PHACTR1: variants seen among roughly 807,000 people sequenced by gnomAD.
PHACTR1 encodes the protein phosphatase and actin regulator 1, also known as RPEL repeat containing 1.
In PHACTR1, 16 loss-of-function variants were observed where a neutral mutation model predicts 69.2. That is an observed-to-expected ratio of 0.23 (90% CI 0.16 to 0.35). The LOEUF (loss-of-function observed/expected upper bound fraction) is 0.35, where lower values mean the gene tolerates loss of function less well. PHACTR1 is among the 10% of genes least tolerant of loss of function. PHACTR1 has a pLI of 1.00. For missense variants in PHACTR1, 510 were observed against 734.7 expected (o/e 0.69, Z 3.54); for synonymous variants, 312 against 284.5 (o/e 1.10, Z -0.97).
intron 4 of PHACTR1, among the ~76,000 whole-genome samples, chr6:12,968,644 T>TG (rs1793782106): frequency 1.3e-5 from 2 of 152,362 alleles, no homozygotes; most frequent in South Asian, 4.1e-4. Context: ...GAGCTTTTTT[T>TG]GTCACTAAAA....
At chr6:12,927,445 CTT>C (rs1271814988) in intron 4 of PHACTR1, among the ~76,000 whole-genome samples, 1 of 152,128 alleles carries the variant, frequency 6.6e-6, no homozygotes, top group Admixed American at 6.5e-5. Flanking sequence ...AAAAAAATCT[CTT>C]ATATTGTAGG....
chr6:13,277,813 G>GGT (rs1779241257), intron 11 of PHACTR1, among the ~76,000 whole-genome samples: 1 of 152,076 alleles, frequency 6.6e-6, no homozygotes, highest in African/African-American at 2.4e-5. Flanking sequence ...AGTCAGGTGT[G>GGT]GTGGCGTGCA....
chr6:13,169,670 A>T (rs1309626544), intron 6 of PHACTR1, among the ~76,000 whole-genome samples: 2 of 152,228 alleles, frequency 1.3e-5, no homozygotes, highest in Admixed American at 6.5e-5. Flanking sequence ...ATGCAGACAC[A>T]TCAAATAAGA....
intron 4 of PHACTR1, among the ~76,000 whole-genome samples, chr6:12,978,064 CT>C (rs879319696): frequency 1.3e-5 from 2 of 152,234 alleles, no homozygotes; most frequent in Non-Finnish European, 2.9e-5. Context: ...CAAGGCAAAT[CT>C]GCCTGTATGT....
chr6:12,859,828 A>G (rs1220514107), intron 4 of PHACTR1, among the ~76,000 whole-genome samples: 2 of 152,298 alleles, frequency 1.3e-5, no homozygotes, highest in Non-Finnish European at 2.9e-5. Context: ...TGAGGACAAT[A>G]GATGTTAATT....
intron 4 of PHACTR1, among the ~76,000 whole-genome samples, chr6:12,879,654 A>G (rs1460158699): frequency 6.6e-6 from 1 of 152,228 alleles, no homozygotes; most frequent in Non-Finnish European, 1.5e-5. Context: ...CATATTGAGT[A>G]TTAAGTATTT....
intron 10 of PHACTR1, 25 bp from the exon 11 acceptor site, chr6:13,272,835 A>T: frequency 6.2e-7 from 1 of 1,614,038 alleles, no homozygotes; most frequent in South Asian, 1.1e-5. Flanking sequence ...ATGGTCCAAA[A>T]ACTTTTCCTG....
At chr6:13,027,173 C>A (rs1385540716) in intron 4 of PHACTR1, among the ~76,000 whole-genome samples, 1 of 152,114 alleles carries the variant, frequency 6.6e-6, no homozygotes, top group Non-Finnish European at 1.5e-5. Context: ...CGAGTACCTG[C>A]TCCTTTGGTC....
chr6:13,064,600 A>C (rs1217202910), intron 5 of PHACTR1, among the ~76,000 whole-genome samples: 12 of 7,516 alleles, frequency 1.6e-3, no homozygotes, highest in African/African-American at 2.4e-3. Flanking sequence ...ATATATATAT[A>C]TATATCTATA....
At chr6:12,803,712 G>A (rs1396879305) in intron 4 of PHACTR1, among the ~76,000 whole-genome samples, 14 of 152,260 alleles carry the variant, frequency 9.2e-5, no homozygotes, top group Admixed American at 5.9e-4. Context: ...CATTTTGGGC[G>A]GGATAATTAT....
chr6:12,756,041 C>T (rs77605518), intron 4 of PHACTR1, among the ~76,000 whole-genome samples: 121 of 152,204 alleles, frequency 7.9e-4, no homozygotes, highest in African/African-American at 2.5e-3. Flanking sequence ...ATAATAAATG[C>T]GGCAGAGGCA....
intron 8 of PHACTR1, among the ~76,000 whole-genome samples, chr6:13,219,602 C>T (rs145110590): frequency 2.0e-5 from 3 of 152,262 alleles, no homozygotes; most frequent in Non-Finnish European, 4.4e-5. Context: ...CTATTCTCTC[C>T]GCACACCTAC....
At chr6:13,243,382 C>A (rs1240193640) in intron 10 of PHACTR1, among the ~76,000 whole-genome samples, 2 of 151,988 alleles carry the variant, frequency 1.3e-5, no homozygotes, top group Admixed American at 1.3e-4. Context: ...CACTTGTGAA[C>A]TTACCAGGAG....
intron 7 of PHACTR1, among the ~76,000 whole-genome samples, 195 bp downstream of exon 7, chr6:13,182,881 T>C (rs1762372396): frequency 6.6e-6 from 1 of 152,206 alleles, no homozygotes; most frequent in South Asian, 2.1e-4. Context: ...ACACTTATTA[T>C]CCTACAGTGT....
chr6:13,217,256 C>A (rs577741423), intron 8 of PHACTR1, among the ~76,000 whole-genome samples: 1 of 152,180 alleles, frequency 6.6e-6, no homozygotes, highest in South Asian at 2.1e-4. Context: ...GGGAGGTGGG[C>A]ACCTAGGTTT....
chr6:12,719,519 T>C (rs1044955348), intron 3 of PHACTR1, among the ~76,000 whole-genome samples: 1 of 152,140 alleles, frequency 6.6e-6, no homozygotes, highest in African/African-American at 2.4e-5. Context: ...ATTTTTTTTT[T>C]CACATATTTT....
intron 4 of PHACTR1, among the ~76,000 whole-genome samples, chr6:12,811,165 C>T (rs550092101): frequency 1.3e-5 from 2 of 152,188 alleles, no homozygotes; most frequent in South Asian, 2.1e-4. Context: ...TATTATCAGT[C>T]GTAGATTACA....
At chr6:12,963,464 AAAC>A (rs1793017574) in intron 4 of PHACTR1, among the ~76,000 whole-genome samples, 1 of 152,068 alleles carries the variant, frequency 6.6e-6, no homozygotes, top group South Asian at 2.1e-4. Flanking sequence ...TAAAAAAAAA[AAAC>A]AAACCAACTG....
chr6:13,198,767 AT>A (rs201575984), intron 7 of PHACTR1, among the ~76,000 whole-genome samples: 1,607 of 152,342 alleles, frequency 0.011, 12 homozygotes, highest in Non-Finnish European at 0.016. Context: ...GCCATAACAC[AT>A]TATTTCACAG....
Sources: allele counts gnomAD v4.1 joint callset (sites outside exome capture counted in the v4.1 genomes callset), GRCh38; gene constraint gnomAD v4.1.1; transcripts MANE v1.5; gene names NCBI Gene and HGNC (gene_info 2026-07-23, HGNC 2026-07-21).